Variants in ABCA4 observed in about 807,000 individuals in gnomAD.
ABCA4 encodes retinal-specific phospholipid-transporting ATPase ABCA4.
A neutral mutation model predicts 263.7 loss-of-function variants in ABCA4; 196 were observed. The ratio of observed to expected loss-of-function variants is 0.74; its 90% CI spans 0.66 to 0.84. The LOEUF is 0.84. Among genes scored for constraint, ABCA4 ranks in the 40% least tolerant of loss-of-function variants. ABCA4 has a pLI of 0.00. For synonymous variants in ABCA4, 1,133 were observed against 1,094.2 expected (o/e 1.04, Z -0.70); for missense variants, 2,792 against 2,855.1 (o/e 0.98, Z 0.50).
chr1:94,005,475 C>A lies in ABCA4; in HGVS notation c.6113G>T (p.Arg2038Leu). ...TGREHLYLYA[R>L]LRGVPAEEIE... is the part of the protein sequence containing the mutation. ...TTCTTCTGCTGGTACACCTCGAAGCCGGGCATAAAGGTAAAGATGTTCTCG... is the reference window on the plus strand; with the variant it reads ...TTCTTCTGCTGGTACACCTCGAAGCAGGGCATAAAGGTAAAGATGTTCTCG... The change falls in exon 44 of 50, where the codon CGG becomes CTG. Residue 2038 changes from arginine (R) to leucine (L), a missense_variant. Arg to Leu is a moderately radical substitution (Grantham distance 102, BLOSUM62 -2). Coordinates refer to ENST00000370225, the MANE Select transcript of ABCA4 (RefSeq NM_000350.3). 1 of 1,614,088 alleles carries A rather than the reference C, an allele frequency of 6.2e-7. No homozygotes were observed. The highest frequency in any genetic ancestry group is 8.5e-7 in the Non-Finnish European group (1 of 1,180,024).
chr1:94,022,258 C>A (rs1659924245), intron 32 of ABCA4, among the ~76,000 whole-genome samples: 1 of 152,190 alleles, frequency 6.6e-6, no homozygotes, highest in South Asian at 2.1e-4. Context: ...ACTTCCAGAG[C>A]TCCTCATGGC....
chr1:94,059,206 A>G (rs1424069534), intron 14 of ABCA4, among the ~76,000 whole-genome samples: 1 of 152,158 alleles, frequency 6.6e-6, no homozygotes. Context: ...TGAGGACACA[A>G]ACATGTTGGT....
At chr1:94,084,242 A>AG (rs1661777646) in intron 6 of ABCA4, among the ~76,000 whole-genome samples, 1 of 152,254 alleles carries the variant, frequency 6.6e-6, no homozygotes, top group South Asian at 2.1e-4. Flanking sequence ...TGTAGGACTG[A>AG]GTTCTAAGTG....
intron 11 of ABCA4, among the ~76,000 whole-genome samples, chr1:94,076,025 G>A (rs1661529364): frequency 6.6e-6 from 1 of 152,216 alleles, no homozygotes; most frequent in South Asian, 2.1e-4. Context: ...CTCAAAGAAT[G>A]AATGAGTAGA....
At chr1:94,018,424 G>C in intron 36 of ABCA4, 1 of 370,600 alleles carries the variant, frequency 2.7e-6, no homozygotes. Context: ...CCTCCTCCCC[G>C]TGCATTTATG....
At chr1:94,079,484 T>A in intron 8 of ABCA4, 23 bp from the exon 9 acceptor site, 2 of 1,614,084 alleles carry the variant, frequency 1.2e-6, no homozygotes, top group Non-Finnish European at 1.7e-6. Flanking sequence ...AAGGGACAGA[T>A]TTTACAGAAA....
intron 44 of ABCA4, among the ~76,000 whole-genome samples, chr1:94,004,341 G>A (rs569168944): frequency 5.3e-5 from 8 of 152,082 alleles, no homozygotes; most frequent in Middle Eastern, 3.4e-3. Context: ...CTTCTTCCAC[G>A]GTGAGAATTC....
intron 14 of ABCA4, 116 bp from the exon 15 acceptor site, chr1:94,056,938 AC>A: frequency 3.5e-6 from 3 of 858,352 alleles, no homozygotes; most frequent in Non-Finnish European, 5.7e-6. Flanking sequence ...TTCTACGCAC[AC>A]TCCATGTGCT....
chr1:93,994,670 A>C (rs1658948689), intron 49 of ABCA4, among the ~76,000 whole-genome samples: 1 of 152,260 alleles, frequency 6.6e-6, no homozygotes, highest in African/African-American at 2.4e-5. Flanking sequence ...AGTCAGAATT[A>C]GGTTTTGGAT....
chr1:94,120,899 TACCCCACCACCCC>T, intron 1 of ABCA4, 68 bp downstream of exon 1: 5 of 136,406 alleles, frequency 3.7e-5, no homozygotes, highest in Admixed American at 2.8e-4. Flanking sequence ...CCCACCACCC[TACCCCACCACCCC>T]ACCCCACACT....
At chr1:94,013,853 C>T (rs192885333) in intron 38 of ABCA4, among the ~76,000 whole-genome samples, 60 of 152,230 alleles carry the variant, frequency 3.9e-4, no homozygotes, top group African/African-American at 1.4e-3. Flanking sequence ...GGAGAAAGAC[C>T]GTATAGGGAT....
intron 11 of ABCA4, among the ~76,000 whole-genome samples, chr1:94,072,860 A>G (rs1275505326): frequency 6.6e-6 from 1 of 152,176 alleles, no homozygotes; most frequent in Non-Finnish European, 1.5e-5. Context: ...GGAGGGGATC[A>G]GAGGAAAGAC....
At chr1:94,055,454 T>C (rs1401638684) in intron 15 of ABCA4, 139 bp from the exon 16 acceptor site, 2 of 776,706 alleles carry the variant, frequency 2.6e-6, no homozygotes, top group African/African-American at 3.5e-5. Flanking sequence ...CTCAGGAGGG[T>C]GAAGGCAGTC....
intron 23 of ABCA4, among the ~76,000 whole-genome samples, chr1:94,040,832 C>T (rs1557777168): frequency 6.6e-6 from 1 of 152,108 alleles, no homozygotes; most frequent in Non-Finnish European, 1.5e-5. Flanking sequence ...TCTTAGTTTT[C>T]ACTTACCACT....
intron 24 of ABCA4, among the ~76,000 whole-genome samples, chr1:94,038,136 G>C (rs1344663811): frequency 6.7e-6 from 1 of 150,026 alleles, no homozygotes; most frequent in Non-Finnish European, 1.5e-5. Flanking sequence ...GAAATGCAGA[G>C]GGGGGGTTGA....
rs1314237429 is a variant in ABCA4 at position 94,062,579 on chromosome 1, A to G, written c.1935T>C (p.Asp645=). 15 of 1,614,050 alleles carry G rather than the reference A, an allele frequency of 9.3e-6. No individual in the cohort carries two copies. The highest frequency in any genetic ancestry group is 1.2e-5 in the Non-Finnish European group (14 of 1,180,040). Residue 645 remains aspartate (D), a splice_region_variant and synonymous_variant, in exon 13 of 50, where the codon GAT becomes GAC. Coordinates refer to ENST00000370225, the MANE Select transcript of ABCA4 (RefSeq NM_000350.3). ...AGGATCGCGAACTTCAGACTCACGA[A>G]TCGTCCACGAAGCAGGGGTAGGGCA... is the stretch of plus-strand genomic sequence containing the variant. The part of the protein sequence containing the change: ...QQMPYPCFVD[D]SFMIILNRCF...
intron 14 of ABCA4, among the ~76,000 whole-genome samples, chr1:94,057,598 A>G (rs1366730732): frequency 6.6e-6 from 1 of 152,202 alleles, no homozygotes; most frequent in Non-Finnish European, 1.5e-5. Context: ...AATTAATCCA[A>G]ATCACTTGGA....
rs1204946868 is a variant in ABCA4, at chr1:94,077,745, C to T, written c.1499G>A (p.Arg500Lys). 2 of 1,614,170 alleles carry T rather than the reference C, an allele frequency of 1.2e-6. No individual in the cohort carries two copies. The highest frequency in any genetic ancestry group is 2.2e-5 in the East Asian group (1 of 44,878). Residue 500 changes from arginine (R) to lysine (K), a missense_variant, in exon 11 of 50, where the codon AGG becomes AAG. Transcript: ENST00000370225. ...GCGATCAGTGATGTTAAATATGTCCCTCCAGTCGAAGTTGGCCATGTCGTC... is the reference window on the plus strand; with the variant it reads ...GCGATCAGTGATGTTAAATATGTCCTTCCAGTCGAAGTTGGCCATGTCGTC... ...QADDMANFDWRDIFNITDRTL... is the reference protein window; with the variant it reads ...QADDMANFDWKDIFNITDRTL...
intron 2 of ABCA4, 72 bp from the exon 3 acceptor site, chr1:94,111,651 G>T: frequency 6.3e-7 from 1 of 1,585,538 alleles, no homozygotes; most frequent in East Asian, 2.2e-5. Context: ...CTAGGAGTTG[G>T]CCTTTTTGGG....
Sources: gnomAD v4.1 joint callset for allele counts (sites outside exome capture counted in the v4.1 genomes callset) on GRCh38, gnomAD v4.1.1 for gene constraint, MANE v1.5 for transcripts, NCBI Gene and HGNC (gene_info 2026-07-23, HGNC 2026-07-21) for gene names.